MPPED2: variants seen among roughly 807,000 people sequenced by gnomAD.
MPPED2 encodes the protein metallophosphoesterase domain containing 2, also known as metallophosphoesterase MPPED2.
Under a neutral mutation model 33.0 loss-of-function variants are expected in MPPED2, and 5 were observed. The ratio of observed to expected loss-of-function variants is 0.15; its 90% confidence interval spans 0.08 to 0.32. The LOEUF (loss-of-function observed/expected upper bound fraction) is 0.32. Among genes scored for constraint, MPPED2 ranks in the 10% least tolerant of loss-of-function variants. MPPED2 has a pLI of 1.00. For synonymous variants in MPPED2, 136 were observed against 141.9 expected (o/e 0.96, Z 0.29); for missense variants, 275 against 372.1 (o/e 0.74, Z 2.15).
At chr11:30,544,218 G>A (rs955199481) in intron 2 of MPPED2, among the ~76,000 whole-genome samples, 4 of 152,088 alleles carry the variant, frequency 2.6e-5, no homozygotes, top group African/African-American at 7.2e-5. Context: ...ATGACATATC[G>A]CTGGGTCATA....
rs116301115 is a variant in MPPED2, at chr11:30,499,113, C to A, written c.311-3592G>T. ...AGCCATCACAAAATTTGTCCAGGTT[C>A]CTCTCTAGCTCCCAGGCTCCAACTG... On this transcript the variant is annotated intron_variant, in intron 3 of 6. Coordinates refer to ENST00000358117, the MANE Select transcript of MPPED2 (RefSeq NM_001584.3). 7.8e-3 allele frequency among the ~76,000 whole-genome samples: 1,190 copies of A among 152,260 alleles called. 21 individuals carry two copies. The highest frequency in any genetic ancestry group is 0.025 in the African/African-American group (1,047 of 41,554).
chr11:30,409,079 A>T (rs1646700069), downstream of MPPED2, among the ~76,000 whole-genome samples: 1 of 152,210 alleles, frequency 6.6e-6, no homozygotes, highest in Non-Finnish European at 1.5e-5. Context: ...CAATTTTAGT[A>T]AGTGCTTAGC....
At chr11:30,557,440 A>T (rs1053631157) in intron 2 of MPPED2, among the ~76,000 whole-genome samples, 2 of 152,110 alleles carry the variant, frequency 1.3e-5, no homozygotes, top group Non-Finnish European at 2.9e-5. Context: ...ATAGCTCGAA[A>T]GCAGCTATTA....
rs551086694 is a variant in MPPED2, at chr11:30,388,915, A to G, written c.808T>C (p.Cys270Arg). 6.4e-6 allele frequency: 10 copies of G among 1,567,752 alleles called. No individual in the cohort carries two copies. In the East Asian group the frequency reaches 1.2e-4, roughly 18 times the overall value. ...TAGGAAGTTTTTGAAGGCAGAGAACATATTTTTGTCCTCAGTGCCTTGGAG... is the reference window on the plus strand; with the variant it reads ...TAGGAAGTTTTTGAAGGCAGAGAACGTATTTTTGTCCTCAGTGCCTTGGAG... The change falls in exon 7 of 7, where the codon TGT (cysteine) becomes CGT (arginine). Residue 270 changes from cysteine (C) to arginine (R), a missense_variant. Transcript: ENST00000448418.
At chr11:30,507,195 A>G (rs1238725908) in intron 3 of MPPED2, among the ~76,000 whole-genome samples, 1 of 152,248 alleles carries the variant, frequency 6.6e-6, no homozygotes, top group Admixed American at 6.5e-5. Context: ...GGAAAGTGTA[A>G]GAGCAAATGC....
Position 30,512,830 on chromosome 11 carries a change from G to A in MPPED2, c.311-17309C>T, listed in dbSNP as rs376709203. Among the ~76,000 whole-genome samples the A allele has an allele frequency of 6.6e-4, 100 of 152,172 alleles. 1 individual carries two copies. The highest frequency in any genetic ancestry group is 3.9e-3 in the South Asian group (19 of 4,820). ...AGCCTGGTCAATATGGTGAAAACTC[G>A]TCTCTACTAAAAATACAAAAATTAG... On this transcript the variant is annotated intron_variant, in intron 3 of 6. Transcript: ENST00000358117.
At chr11:30,506,024 TA>T (rs1434066347) in intron 3 of MPPED2, among the ~76,000 whole-genome samples, 1 of 151,832 alleles carries the variant, frequency 6.6e-6, no homozygotes, top group African/African-American at 2.4e-5. Flanking sequence ...GGATGATAAT[TA>T]TTATTGTTAT....
At chr11:30,463,494 A>C (rs1307541054) in intron 4 of MPPED2, among the ~76,000 whole-genome samples, 3 of 152,204 alleles carry the variant, frequency 2.0e-5, no homozygotes, top group Non-Finnish European at 4.4e-5. Context: ...TGGTGCAGGC[A>C]TGAGCATAGG....
At chr11:30,578,550 G>A (rs1957029468) in intron 2 of MPPED2, among the ~76,000 whole-genome samples, 1 of 152,170 alleles carries the variant, frequency 6.6e-6, no homozygotes, top group South Asian at 2.1e-4. Context: ...GTTCGCCAGT[G>A]GAATCTTGAG....
intron 4 of MPPED2, among the ~76,000 whole-genome samples, chr11:30,421,474 GAAA>G (rs36010780): frequency 7.1e-6 from 1 of 141,556 alleles, no homozygotes. Context: ...TATATTCCAG[GAAA>G]AAAAAAAAAA....
intron 3 of MPPED2, among the ~76,000 whole-genome samples, chr11:30,513,099 A>G (rs904075901): frequency 6.6e-6 from 1 of 152,180 alleles, no homozygotes; most frequent in Non-Finnish European, 1.5e-5. Flanking sequence ...CCTTAAAAAA[A>G]AACATATTCT....
At position 30,411,117 on chromosome 11, in the gene MPPED2, C is replaced by T. The variant is rs1948085629; in HGVS notation, c.*351G>A. On this transcript the variant is annotated 3_prime_UTR_variant, in exon 7 of 7. Coordinates refer to ENST00000358117, the MANE Select transcript of MPPED2 (RefSeq NM_001584.3). ...ATCTGTGTTGGTTTTTAAAACACTGCCTGTTTCTTATTTTTTTTTCTTTCA... is the reference window on the plus strand; with the variant it reads ...ATCTGTGTTGGTTTTTAAAACACTGTCTGTTTCTTATTTTTTTTTCTTTCA... 1.0e-5 allele frequency: 10 copies of T among 992,902 alleles called. No individual in the cohort carries two copies. In the South Asian group the frequency reaches 4.2e-4, roughly 42 times the overall value. 61.5% of individuals were successfully genotyped at this position (992,902 alleles called of 1,614,324 possible).
At chr11:30,445,022 T>A (rs1949742141) in intron 4 of MPPED2, among the ~76,000 whole-genome samples, 1 of 152,206 alleles carries the variant, frequency 6.6e-6, no homozygotes, top group Admixed American at 6.5e-5. Context: ...ATTGTGAAAT[T>A]AAGTTTGGGA....
intron 5 of MPPED2, among the ~76,000 whole-genome samples, chr11:30,415,045 G>C (rs953002905): frequency 1.3e-5 from 2 of 152,174 alleles, no homozygotes; most frequent in Non-Finnish European, 1.5e-5. Flanking sequence ...TTATGGCCTG[G>C]AATGGAATCC....
At chr11:30,578,574 G>T (rs539071682) in intron 2 of MPPED2, among the ~76,000 whole-genome samples, 6 of 152,302 alleles carry the variant, frequency 3.9e-5, no homozygotes, top group Admixed American at 2.6e-4. Context: ...AAGAACAAGT[G>T]AGCAGATGTC....
intron 3 of MPPED2, among the ~76,000 whole-genome samples, chr11:30,511,478 T>C (rs1450711386): frequency 2.0e-5 from 3 of 152,148 alleles, no homozygotes; most frequent in Non-Finnish European, 4.4e-5. Context: ...CAGGAAGGTG[T>C]CTTTGAGGGG....
At chr11:30,472,305 G>A (rs1263708215) in intron 4 of MPPED2, among the ~76,000 whole-genome samples, 1 of 152,100 alleles carries the variant, frequency 6.6e-6, no homozygotes. Context: ...AGGCTGCAGT[G>A]AGCCGTGGTG....
At chr11:30,390,092 C>T (rs1257932359) in intron 6 of MPPED2, among the ~76,000 whole-genome samples, 1 of 152,224 alleles carries the variant, frequency 6.6e-6, no homozygotes. Flanking sequence ...GCATTTCTTA[C>T]ATTTCACAGA....
chr11:30,525,938 C>G (rs1437495210), intron 3 of MPPED2, among the ~76,000 whole-genome samples: 2 of 152,174 alleles, frequency 1.3e-5, no homozygotes, highest in African/African-American at 4.8e-5. Flanking sequence ...ATGATCCTTT[C>G]TAATGGAACA....
Sources: allele counts gnomAD v4.1 joint callset (sites outside exome capture counted in the v4.1 genomes callset), GRCh38; gene constraint gnomAD v4.1.1; transcripts MANE v1.5; gene names NCBI Gene and HGNC (gene_info 2026-07-23, HGNC 2026-07-21).